LIG4: variants seen among roughly 807,000 people sequenced by gnomAD.
LIG4 encodes the protein DNA ligase 4.
LIG4 carries 13 observed loss-of-function variants against 19.0 expected under a neutral mutation model. That is an observed-to-expected ratio of 0.68 (90% CI 0.44 to 1.09). The LOEUF (loss-of-function observed/expected upper bound fraction) is 1.09. Among genes scored for constraint, LIG4 ranks in the 50% least tolerant of loss-of-function variants. The pLI, the probability that LIG4 is intolerant of heterozygous loss-of-function variation, is 0.00. For synonymous variants in LIG4, 361 were observed against 358.2 expected, an observed-to-expected ratio of 1.01 and a Z score of -0.09; for missense variants, 1,026 against 1,089.7, an observed-to-expected ratio of 0.94 and a Z score of 0.82.
rs200695712 is a variant in LIG4, at chr13:108,208,505, G to A, written c.*28C>T. 26 of 1,433,052 alleles carry A rather than the reference G, an allele frequency of 1.8e-5. No homozygotes were observed. 88.8% of individuals were successfully genotyped at this position (1,433,052 alleles called of 1,614,324 possible). A position where few individuals can be genotyped will look rare whatever the true frequency, so the allele number is the denominator to read the frequency against. ...CTGCTGCAATGAGTCTGCCAGATCAGAGGCTTTCCTCACTAGGAAACCTAG... is the reference window on the plus strand; with the variant it reads ...CTGCTGCAATGAGTCTGCCAGATCAAAGGCTTTCCTCACTAGGAAACCTAG... On this transcript the variant is annotated 3_prime_UTR_variant, in exon 3 of 3. Coordinates refer to ENST00000442234, the MANE Select transcript of LIG4 (RefSeq NM_206937.2).
intron 2 of LIG4, among the ~76,000 whole-genome samples, chr13:108,213,762 T>A (rs949174572): frequency 1.3e-5 from 2 of 152,224 alleles, no homozygotes; most frequent in African/African-American, 4.8e-5. Flanking sequence ...TACTGGGCAA[T>A]TACTTAATTT....
In LIG4 at chr13:108,210,904, G is replaced by A. The variant is rs1407111565; in HGVS notation, c.365C>T (p.Ala122Val). The stretch of plus-strand genomic sequence containing the variant: ...ATATGCAATCATTGCAAAGTCTCCA[G>A]CATCTCCATGAGTTCCAGTGGGTGT... Reference protein sequence around the residue: ...YRTPTGTHGDAGDFAMIAYFV... With the variant: ...YRTPTGTHGDVGDFAMIAYFV... The change falls in exon 3 of 3, where the codon GCT becomes GTT. Residue 122 changes from alanine to valine, a missense_variant. Around this residue, in one of 3 missense-constraint regions of LIG4, gnomAD observed 493 missense variants for 544.5 expected, o/e 0.91. Transcript: ENST00000442234. 2 of 1,613,882 alleles carry A rather than the reference G, an allele frequency of 1.2e-6. No individual in the cohort carries two copies. The highest frequency in any genetic ancestry group is 2.7e-5 in the African/African-American group (2 of 74,930).
At chr13:108,217,318 G>C (rs112156129), upstream of LIG4, among the ~76,000 whole-genome samples, 5,691 of 152,082 alleles carry the variant, frequency 0.037, 363 homozygotes, top group African/African-American at 0.13. Context: ...GAGTTTGAGA[G>C]CAGCCTGGCC....
chr13:108,208,504 A>C lies in LIG4; in HGVS notation c.*29T>G. 7.0e-7 allele frequency: 1 copy of C among 1,420,602 alleles called. No homozygotes were observed. Among genetic ancestry groups the C allele is most frequent in the Non-Finnish European group, 9.9e-7 (1 of 1,006,854 alleles). The allele number at this position is 1,420,602 out of a possible 1,614,324, so 88.0% of individuals were successfully genotyped here. A position where few individuals can be genotyped will look rare whatever the true frequency, so the allele number is the denominator to read the frequency against. On this transcript the variant is annotated 3_prime_UTR_variant, in exon 3 of 3. Transcript: ENST00000442234. ...CCTGCTGCAATGAGTCTGCCAGATC[A>C]GAGGCTTTCCTCACTAGGAAACCTA...
Position 108,209,128 on chromosome 13 carries a change from A to G in LIG4, c.2141T>C (p.Leu714Ser), listed in dbSNP as rs2138969009. 6.2e-7 allele frequency: 1 copy of G among 1,614,188 alleles called. No individual in the cohort carries two copies. Among genetic ancestry groups the G allele is most frequent in the Non-Finnish European group, 8.5e-7 (1 of 1,180,022 alleles). Reference sequence around the variant, plus strand: ...CTTGACAACATCATGTTTATTTGACAAAATTATGTTTTTCACTCTGATGTT... The same window carrying G: ...CTTGACAACATCATGTTTATTTGACGAAATTATGTTTTTCACTCTGATGTT... ...SENIRVKNII[L>S]SNKHDVVKPA... Residue 714 changes from leucine to serine, a missense_variant, in exon 3 of 3, where the codon TTG (leucine) becomes TCG (serine). Leu to Ser is a moderately radical substitution (Grantham distance 145). Transcript: ENST00000442234.
upstream of LIG4, among the ~76,000 whole-genome samples, chr13:108,217,447 A>G (rs1016932261): frequency 1.3e-5 from 2 of 152,224 alleles, no homozygotes; most frequent in East Asian, 1.9e-4. Flanking sequence ...TGAACCCGGG[A>G]GGCGGGAGGT....
At chr13:108,217,444 G>A (rs1002822158), upstream of LIG4, among the ~76,000 whole-genome samples, 3 of 152,202 alleles carry the variant, frequency 2.0e-5, no homozygotes, top group African/African-American at 7.2e-5. Context: ...GCTTGAACCC[G>A]GGAGGCGGGA....
chr13:108,215,812 G>A (rs1566374716), upstream of LIG4, among the ~76,000 whole-genome samples: 1 of 152,086 alleles, frequency 6.6e-6, no homozygotes, highest in Non-Finnish European at 1.5e-5. Flanking sequence ...TTTGTGCTCT[G>A]GCTAGTGATA....
In LIG4 at chr13:108,209,661, G is replaced by C. The variant is rs1369279655; in HGVS notation, c.1608C>G (p.Ser536Arg). 6.2e-7 allele frequency: 1 copy of C among 1,614,124 alleles called. No homozygotes were observed. Among genetic ancestry groups the C allele is most frequent in the Admixed American group, 1.7e-5 (1 of 60,010 alleles). The part of the protein sequence containing the change: ...WKPFHRKAPP[S>R]SILCGTEKPE... ...GCTTCTCTGTTCCACATAAAATGCT[G>C]CTTGGTGGAGCTTTTCTATGAAAAG... The change falls in exon 3 of 3, where the codon AGC (serine) becomes AGG (arginine). Residue 536 changes from serine to arginine, a missense_variant. Physicochemically the swap from Ser to Arg is moderately radical, Grantham distance 110. Around this residue, in one of 3 missense-constraint regions of LIG4, gnomAD observed 521 missense variants for 515.5 expected, o/e 1.01. Transcript: ENST00000442234.
chr13:108,217,107 A>G (rs111306760), upstream of LIG4, among the ~76,000 whole-genome samples: 4,665 of 152,284 alleles, frequency 0.031, 243 homozygotes, highest in African/African-American at 0.11. Context: ...AGGCCGGGCC[A>G]GTGGCTAATG....
chr13:108,213,339 T>C (rs1030998982), intron 2 of LIG4, among the ~76,000 whole-genome samples: 5 of 152,236 alleles, frequency 3.3e-5, no homozygotes, highest in African/African-American at 1.2e-4. Context: ...TCTTTAATAT[T>C]CAAATATTGG....
At chr13:108,214,995 AC>A in intron 1 of LIG4, among the ~76,000 whole-genome samples, 1 of 24,256 alleles carries the variant, frequency 4.1e-5, no homozygotes, top group African/African-American at 1.8e-4. Context: ...CCGCCTGACG[AC>A]CCCCCGACCC....
Position 108,208,836 on chromosome 13 carries a change from A to G in LIG4, c.2433T>C (p.Ser811=). 6.2e-7 allele frequency: 1 copy of G among 1,614,176 alleles called. No homozygotes were observed. Among genetic ancestry groups the G allele is most frequent in the Non-Finnish European group, 8.5e-7 (1 of 1,180,034 alleles). Residue 811 remains serine (S), a synonymous_variant, in exon 3 of 3, where the codon AGT becomes AGC. Coordinates refer to ENST00000442234, the MANE Select transcript of LIG4 (RefSeq NM_206937.2). ...AATAAACGGTGTGGCGTCGAAACATACTGAGAGGAGAGCAATCCCAGGAAT... is the reference window on the plus strand; with the variant it reads ...AATAAACGGTGTGGCGTCGAAACATGCTGAGAGGAGAGCAATCCCAGGAAT... ...YRYSWDCSPL[S]MFRRHTVYLD... is the part of the protein sequence containing the mutation.
chr13:108,213,333 T>A (rs1878860378), intron 2 of LIG4, among the ~76,000 whole-genome samples: 1 of 152,248 alleles, frequency 6.6e-6, no homozygotes, highest in East Asian at 1.9e-4. Context: ...AATATTTCTT[T>A]AATATTCAAA....
At position 108,210,731 on chromosome 13, in the gene LIG4, C is replaced by G; in HGVS notation, c.538G>C (p.Ala180Pro). ...CGTATAAGCCACTTTTGCTCAAGTG[C>G]TGAACTCTGAGTTATAAGTTGAAGA... Reference protein sequence around the residue: ...SLLQLITQSSALEQKWLIRMI... With the variant: ...SLLQLITQSSPLEQKWLIRMI... Residue 180 changes from alanine to proline, a missense_variant, in exon 3 of 3, where the codon GCA becomes CCA. Ala to Pro is a conservative substitution (Grantham distance 27, BLOSUM62 -1). Around this residue, in one of 3 missense-constraint regions of LIG4, gnomAD observed 493 missense variants for 544.5 expected, o/e 0.91. Coordinates refer to ENST00000442234, the MANE Select transcript of LIG4 (RefSeq NM_206937.2). The G allele has an allele frequency of 1.9e-6, 3 of 1,613,962 alleles. No homozygotes were observed. The highest frequency in any genetic ancestry group is 2.5e-6 in the Non-Finnish European group (3 of 1,179,966).
chr13:108,210,247 G>C lies in LIG4; in HGVS notation c.1022C>G (p.Thr341Ser). The change falls in exon 3 of 3, where the codon ACT becomes AGT. Residue 341 changes from threonine (T) to serine (S), a missense_variant. Physicochemically the swap from Thr to Ser is moderately conservative, Grantham distance 58 (BLOSUM62 1). Around this residue, in one of 3 missense-constraint regions of LIG4, gnomAD observed 493 missense variants for 544.5 expected, o/e 0.91. Transcript: ENST00000442234. ...AAACTTAGTTCCCTTTTGCATGAAAGTTTGTGTATTAGGATTATAGGCCAT... is the reference window on the plus strand; with the variant it reads ...AAACTTAGTTCCCTTTTGCATGAAACTTTGTGTATTAGGATTATAGGCCAT... Reference protein sequence around the residue: ...EMMAYNPNTQTFMQKGTKFDI... With the variant: ...EMMAYNPNTQSFMQKGTKFDI... The C allele has an allele frequency of 1.9e-6, 3 of 1,613,806 alleles. No individual in the cohort carries two copies. Among genetic ancestry groups the C allele is most frequent in the Non-Finnish European group, 2.5e-6 (3 of 1,179,868 alleles).
rs1365369789 is a variant in LIG4, at chr13:108,210,474, A to T, written c.795T>A (p.His265Gln). The T allele has an allele frequency of 1.9e-6, 3 of 1,613,254 alleles. No homozygotes were observed. Among genetic ancestry groups the T allele is most frequent in the Non-Finnish European group, 2.5e-6 (3 of 1,179,936 alleles). ...GCTTGGTTTCTATGTAGAAACTCTG[A>T]TGTTTCATATCCTTCTCAATGTGCT... ...DIEHIEKDMK[H>Q]QSFYIETKLD... Residue 265 changes from histidine to glutamine, a missense_variant, in exon 3 of 3, where the codon CAT becomes CAA. His to Gln is a conservative substitution (Grantham distance 24, BLOSUM62 0). Around this residue, in one of 3 missense-constraint regions of LIG4, gnomAD observed 493 missense variants for 544.5 expected, o/e 0.91. Coordinates refer to ENST00000442234, the MANE Select transcript of LIG4 (RefSeq NM_206937.2).
rs955376276 is a variant in LIG4 at position 108,212,324 on chromosome 13, A to G, written c.-28-1028T>C. On this transcript the variant is annotated intron_variant, in intron 2 of 2. Coordinates refer to ENST00000442234, the MANE Select transcript of LIG4 (RefSeq NM_206937.2). ...GAGCTTTTCCCTAAAGTATCTGCTAAAGTCAGAGAAGAAATAATGGGTACC... is the reference window on the plus strand; with the variant it reads ...GAGCTTTTCCCTAAAGTATCTGCTAGAGTCAGAGAAGAAATAATGGGTACC... 2.0e-5 allele frequency among the ~76,000 whole-genome samples: 3 copies of G among 152,306 alleles called. No homozygotes were observed. The East Asian group carries it at 5.8e-4, about 29-fold the overall frequency.
chr13:108,208,628 T>A lies in LIG4; in HGVS notation c.2641A>T (p.Thr881Ser), dbSNP rs201900772. ...AGGATTTTAAACTTTCTCTTAAAAG[T>A]TCTTCTAAAAGCTTTAAAATCTGCA... ...RVADFKAFRR[T>S]FKRKFKILKE... The change falls in exon 3 of 3, where the codon ACT (threonine) becomes TCT (serine). Residue 881 changes from threonine to serine, a missense_variant. By Grantham distance (58) the Thr-to-Ser change is moderately conservative. Transcript: ENST00000442234. 4.3e-6 allele frequency: 7 copies of A among 1,613,588 alleles called. No homozygotes were observed. In the East Asian group the frequency reaches 1.6e-4, roughly 36 times the overall value.
Sources: gnomAD v4.1 joint callset for allele counts (sites outside exome capture counted in the v4.1 genomes callset) on GRCh38, gnomAD v4.1.1 for gene constraint, gnomAD v4.1.1 regional missense constraint, MANE v1.5 for transcripts, NCBI Gene and HGNC (gene_info 2026-07-23, HGNC 2026-07-21) for gene names.